ARMC8: variants seen among roughly 807,000 people sequenced by gnomAD.
ARMC8 encodes the protein armadillo repeat-containing protein 8.
In ARMC8, 20 loss-of-function variants were observed where a neutral mutation model predicts 99.3. That is an observed-to-expected ratio of 0.20 (90% CI 0.14 to 0.29). ARMC8 has a LOEUF of 0.29. Ranked by LOEUF, ARMC8 falls within the 10% of genes least tolerant of loss-of-function variation. The probability of loss-of-function intolerance (pLI) is 1.00; values close to 1 mark genes in which losing one functional copy is unlikely to be tolerated. For missense variants in ARMC8, 569 were observed against 809.5 expected, an observed-to-expected ratio of 0.70 and a Z score of 3.60; for synonymous variants, 263 against 278.3, an observed-to-expected ratio of 0.95 and a Z score of 0.55.
chr3:138,268,812 C>T lies in ARMC8; in HGVS notation c.1387-1228C>T, dbSNP rs1416657914. Among the ~76,000 whole-genome samples, 7 of 151,968 alleles carry T rather than the reference C, an allele frequency of 4.6e-5. No homozygotes were observed. The East Asian group carries it at 1.4e-3, about 29-fold the overall frequency. Reference sequence around the variant, plus strand: ...ATTAAAAAAAAAATAGATTCTGAACCAAAGTGGGGGAGGGAAATGCTATAA... The same window carrying T: ...ATTAAAAAAAAAATAGATTCTGAACTAAAGTGGGGGAGGGAAATGCTATAA... On this transcript the variant is annotated intron_variant, in intron 15 of 21. Coordinates refer to ENST00000469044, the MANE Select transcript of ARMC8 (RefSeq NM_001363941.2).
chr3:138,204,095 T>C (rs2044229422), intron 1 of ARMC8, among the ~76,000 whole-genome samples: 1 of 152,210 alleles, frequency 6.6e-6, no homozygotes, highest in Non-Finnish European at 1.5e-5. Flanking sequence ...AAGAGAACTT[T>C]CACAAGCTCT....
At chr3:138,254,997 C>T (rs2047310030) in intron 12 of ARMC8, among the ~76,000 whole-genome samples, 1 of 152,050 alleles carries the variant, frequency 6.6e-6, no homozygotes, top group African/African-American at 2.4e-5. Context: ...TGAAGTGATA[C>T]AGCTCCAGCT....
intron 12 of ARMC8, among the ~76,000 whole-genome samples, chr3:138,253,705 C>CACT (rs1165955522): frequency 1.3e-5 from 2 of 152,208 alleles, no homozygotes; most frequent in African/African-American, 2.4e-5. Flanking sequence ...TCCATCTGTA[C>CACT]ACTCATCATG....
At chr3:138,285,385 A>G (rs1225171962) in intron 19 of ARMC8, among the ~76,000 whole-genome samples, 1 of 152,172 alleles carries the variant, frequency 6.6e-6, no homozygotes, top group Non-Finnish European at 1.5e-5. Context: ...GTCAAGTCCT[A>G]CGTGACCTAA....
rs2051660925 is a variant in ARMC8, at chr3:138,298,298, A to G, written c.*2406A>G. Reference sequence around the variant, plus strand: ...TTTTTTTTCTTTAAGCACTTTATTCAGAACAATACATGTTCTTCTGGTAGT... The same window carrying G: ...TTTTTTTTCTTTAAGCACTTTATTCGGAACAATACATGTTCTTCTGGTAGT... On this transcript the variant is annotated 3_prime_UTR_variant, in exon 22 of 22. Coordinates refer to ENST00000469044, the MANE Select transcript of ARMC8 (RefSeq NM_001363941.2). 1 of 152,230 alleles carries G rather than the reference A, an allele frequency of 6.6e-6. No individual in the cohort carries two copies. The highest frequency in any genetic ancestry group is 6.5e-5 in the Admixed American group (1 of 15,286). The allele number at this position is 152,230 out of a possible 1,614,324, so 9.4% of individuals were successfully genotyped here.
At chr3:138,188,890 A>T (rs1332341713) in intron 1 of ARMC8, among the ~76,000 whole-genome samples, 1 of 152,144 alleles carries the variant, frequency 6.6e-6, no homozygotes, top group Non-Finnish European at 1.5e-5. Flanking sequence ...TCTTATTTTT[A>T]AACTGCAACT....
At chr3:138,250,705 C>T (rs2047083170) in intron 12 of ARMC8, among the ~76,000 whole-genome samples, 1 of 152,148 alleles carries the variant, frequency 6.6e-6, no homozygotes, top group Admixed American at 6.5e-5. Context: ...GTCATTTCTT[C>T]AGAGTCATCA....
intron 6 of ARMC8, among the ~76,000 whole-genome samples, chr3:138,234,096 T>C (rs758039486): frequency 3.3e-5 from 5 of 152,034 alleles, no homozygotes; most frequent in Non-Finnish European, 7.4e-5. Context: ...ACCAATACTT[T>C]TTTGTTTTTG....
rs1576856219 is a variant in ARMC8, at chr3:138,265,370, T to C, written c.1299+1158T>C. ...ACACTACAAAACTTGGTCTTTGGTC[T>C]ATCATTTTTTTTCTTAAGTGATCAT... On this transcript the variant is annotated intron_variant, in intron 14 of 21. Coordinates refer to ENST00000469044, the MANE Select transcript of ARMC8 (RefSeq NM_001363941.2). 2.6e-5 allele frequency among the ~76,000 whole-genome samples: 4 copies of C among 152,352 alleles called. No homozygotes were observed. The South Asian group carries it at 8.3e-4, about 32-fold the overall frequency.
In ARMC8 at chr3:138,230,872, A is replaced by C. The variant is rs575218556; in HGVS notation, c.528+1862A>C. Among the ~76,000 whole-genome samples the C allele has an allele frequency of 2.0e-3, 306 of 152,336 alleles. 2 individuals are homozygous for C. The highest frequency in any genetic ancestry group is 0.01 in the Middle Eastern group (3 of 294). On this transcript the variant is annotated intron_variant, in intron 6 of 21. Transcript: ENST00000469044. ...TCATCAGAAACTCTTCAACATAGGG[A>C]TTGCTCATCTGAAACTTCTCAATGC...
At chr3:138,286,508 C>T (rs2050430187) in intron 19 of ARMC8, among the ~76,000 whole-genome samples, 1 of 152,204 alleles carries the variant, frequency 6.6e-6, no homozygotes, top group African/African-American at 2.4e-5. Flanking sequence ...ACCATACCTC[C>T]CTACCTATCT....
rs981667846 is a variant in ARMC8 at position 138,228,939 on chromosome 3, C to T, written c.457C>T (p.Leu153Phe). 1.2e-6 allele frequency: 2 copies of T among 1,608,544 alleles called. No individual in the cohort carries two copies. The highest frequency in any genetic ancestry group is 2.7e-5 in the African/African-American group (2 of 74,542). Residue 153 changes from leucine to phenylalanine, a missense_variant, in exon 6 of 22, where the codon CTC (leucine) becomes TTC (phenylalanine). By Grantham distance (22) the Leu-to-Phe change is conservative (BLOSUM62 0). Around this residue, in one of 2 missense-constraint regions of ARMC8, gnomAD observed 342 missense variants for 391.6 expected, o/e 0.87. Transcript: ENST00000469044. ...CTAGGATGCCACAGTGATACCACACCTCATGGCACTGCTTAGCAGGTCCCG... is the reference window on the plus strand; with the variant it reads ...CTAGGATGCCACAGTGATACCACACTTCATGGCACTGCTTAGCAGGTCCCG... ...LYTDATVIPH[L>F]MALLSRSRYT...
chr3:138,242,498 A>G (rs2046675079), intron 11 of ARMC8, among the ~76,000 whole-genome samples: 1 of 152,194 alleles, frequency 6.6e-6, no homozygotes, highest in South Asian at 2.1e-4. Flanking sequence ...TTGGGACCAA[A>G]AAGGCCAAAT....
chr3:138,236,750 C>A (rs1042385290), intron 7 of ARMC8, among the ~76,000 whole-genome samples: 5 of 148,984 alleles, frequency 3.4e-5, no homozygotes, highest in South Asian at 2.1e-4. Context: ...AAAAAAAAAA[C>A]ATCTCTTAGG....
Position 138,264,158 on chromosome 3 carries a change from G to A in ARMC8, c.1245G>A (p.Val415=). 1 of 1,613,922 alleles carries A rather than the reference G, an allele frequency of 6.2e-7. No homozygotes were observed. The highest frequency in any genetic ancestry group is 1.1e-5 in the South Asian group (1 of 91,086). ...GTTTGCACAGTTTATCCAGATCTGT[G>A]CAGCAGCTTCGAACCAGTTTCCAGG... ...VRCLHSLSRS[V]QQLRTSFQDH... is the part of the protein sequence containing the mutation. Residue 415 remains valine, a synonymous_variant, in exon 14 of 22, where the codon GTG becomes GTA. Transcript: ENST00000469044.
intron 12 of ARMC8, chr3:138,245,647 CA>C: frequency 1.0e-5 from 10 of 995,408 alleles, no homozygotes; most frequent in Non-Finnish European, 1.2e-5. Context: ...TGCTACTGTG[CA>C]AGTTTAATGT....
chr3:138,238,996 G>A (rs992571130), intron 9 of ARMC8: 4 of 155,944 alleles, frequency 2.6e-5, no homozygotes, highest in African/African-American at 9.6e-5. Flanking sequence ...CATTTCTGAT[G>A]GATAGCTGTG....
intron 5 of ARMC8, among the ~76,000 whole-genome samples, chr3:138,228,091 TGTCTC>T (rs2045789524): frequency 1.3e-5 from 2 of 152,228 alleles, no homozygotes; most frequent in Admixed American, 6.5e-5. Flanking sequence ...GTGATTCTTG[TGTCTC>T]AGCCTCCCAA....
chr3:138,222,740 A>G (rs980571990), intron 3 of ARMC8, among the ~76,000 whole-genome samples: 5 of 152,126 alleles, frequency 3.3e-5, no homozygotes, highest in African/African-American at 4.8e-5. Flanking sequence ...TAGGGGATTT[A>G]TGTTTGGTAT....
Sources: allele counts gnomAD v4.1 joint callset (sites outside exome capture counted in the v4.1 genomes callset), GRCh38; gene constraint gnomAD v4.1.1; regional missense constraint gnomAD v4.1.1; transcripts MANE v1.5; gene names NCBI Gene and HGNC (gene_info 2026-07-23, HGNC 2026-07-21).